Variants in TNKS observed in about 807,000 individuals in gnomAD.
TNKS encodes the protein poly [ADP-ribose] polymerase tankyrase-1.
In TNKS, 72 loss-of-function variants were observed where a neutral mutation model predicts 135.8. The ratio of observed to expected loss-of-function variants is 0.53; its 90% CI spans 0.44 to 0.64. The LOEUF (loss-of-function observed/expected upper bound fraction) is 0.64. TNKS is among the 30% of genes least tolerant of loss of function. TNKS has a pLI of 0.00. For synonymous variants in TNKS, 849 were observed against 649.3 expected, an observed-to-expected ratio of 1.31 and a Z score of -4.68; for missense variants, 1,769 against 1,674.0, an observed-to-expected ratio of 1.06 and a Z score of -0.99.
intron 12 of TNKS, among the ~76,000 whole-genome samples, chr8:9,720,749 T>C (rs1301310884): frequency 6.6e-6 from 1 of 152,176 alleles, no homozygotes; most frequent in Non-Finnish European, 1.5e-5. Flanking sequence ...CTTTTAGTTT[T>C]TTTAGGTTTA....
At chr8:9,660,297 T>G (rs906924296) in intron 3 of TNKS, among the ~76,000 whole-genome samples, 11 of 152,180 alleles carry the variant, frequency 7.2e-5, no homozygotes, top group Non-Finnish European at 1.5e-4. Flanking sequence ...AAGAGAATTT[T>G]AGACCAATAT....
intron 2 of TNKS, among the ~76,000 whole-genome samples, chr8:9,598,627 C>A (rs1425335258): frequency 6.7e-6 from 1 of 150,272 alleles, no homozygotes; most frequent in Non-Finnish European, 1.5e-5. Context: ...GCCAGTGATG[C>A]GGAGGTTGCA....
rs1281920963 is a variant in TNKS at position 9,640,498 on chromosome 8, T to G, written c.994+24821T>G. Among the ~76,000 whole-genome samples, 8 of 146,110 alleles carry G rather than the reference T, an allele frequency of 5.5e-5. 2 individuals are homozygous for G. The highest frequency in any genetic ancestry group is 2.0e-4 in the African/African-American group (8 of 39,370). On this transcript the variant is annotated intron_variant, in intron 3 of 26. Coordinates refer to ENST00000310430, the MANE Select transcript of TNKS (RefSeq NM_003747.3). Reference sequence around the variant, plus strand: ...AATTGTTTACCCAGAGCATTTTTAGTCAGACTATAATGTGTCTACTGAATA... The same window carrying G: ...AATTGTTTACCCAGAGCATTTTTAGGCAGACTATAATGTGTCTACTGAATA...
At position 9,559,594 on chromosome 8, in the gene TNKS, C is replaced by CT. The variant is rs1209355130; in HGVS notation, c.673+2982_673+2983insT. Among the ~76,000 whole-genome samples the CT allele has an allele frequency of 2.6e-5, 4 of 151,936 alleles. No individual in the cohort carries two copies. In the East Asian group the frequency reaches 5.8e-4, roughly 22 times the overall value. On this transcript the variant is annotated intron_variant, in intron 1 of 26. Coordinates refer to ENST00000310430, the MANE Select transcript of TNKS (RefSeq NM_003747.3). ...AGGTAGTTTTTTGATTTTCAGCCTCCCCCATCCCTACCCTCCACCCTTAAG... is the reference window on the plus strand; with the variant it reads ...AGGTAGTTTTTTGATTTTCAGCCTCCTCCCATCCCTACCCTCCACCCTTAAG...
chr8:9,746,532 C>T (rs559222781), intron 17 of TNKS, among the ~76,000 whole-genome samples: 1 of 152,276 alleles, frequency 6.6e-6, no homozygotes, highest in Non-Finnish European at 1.5e-5. Context: ...TTCTTCCACT[C>T]TCCTTTTCCA....
chr8:9,663,229 T>C (rs1801817007), intron 3 of TNKS, among the ~76,000 whole-genome samples: 1 of 152,206 alleles, frequency 6.6e-6, no homozygotes, highest in Non-Finnish European at 1.5e-5. Flanking sequence ...TAAATGTGTG[T>C]TTTAATTCAC....
Position 9,710,172 on chromosome 8 carries a change from A to G in TNKS, c.1701A>G (p.Glu567=), listed in dbSNP as rs1362312412. 6.2e-7 allele frequency: 1 copy of G among 1,614,230 alleles called. No individual in the cohort carries two copies. The highest frequency in any genetic ancestry group is 8.5e-7 in the Non-Finnish European group (1 of 1,180,038). ...TGACTCCCCTGCATGTTGCAGCCGA[A>G]AGAGCCCATAATGATGTCATGGAAG... is the stretch of plus-strand genomic sequence containing the variant. The part of the protein sequence containing the change: ...DFMTPLHVAA[E]RAHNDVMEVL... The change falls in exon 11 of 27, where the codon GAA becomes GAG. Residue 567 remains glutamate (E), a synonymous_variant. Coordinates refer to ENST00000310430, the MANE Select transcript of TNKS (RefSeq NM_003747.3).
At chr8:9,750,099 C>T (rs1196369847) in intron 18 of TNKS, among the ~76,000 whole-genome samples, 2 of 152,200 alleles carry the variant, frequency 1.3e-5, no homozygotes, top group African/African-American at 4.8e-5. Context: ...CCATAAGATC[C>T]TTTGAAGCTC....
intron 2 of TNKS, among the ~76,000 whole-genome samples, chr8:9,589,708 C>G (rs913382609): frequency 6.6e-6 from 1 of 152,200 alleles, no homozygotes; most frequent in African/African-American, 2.4e-5. Flanking sequence ...ATTGATATAG[C>G]GGGGCTGGGA....
intron 3 of TNKS, among the ~76,000 whole-genome samples, chr8:9,639,051 A>T (rs1800626971): frequency 6.6e-6 from 1 of 152,174 alleles, no homozygotes; most frequent in African/African-American, 2.4e-5. Context: ...TTATTAAATT[A>T]ACTTTCTTCC....
At chr8:9,709,437 G>A (rs911819844) in intron 9 of TNKS, among the ~76,000 whole-genome samples, 2 of 152,096 alleles carry the variant, frequency 1.3e-5, no homozygotes, top group Non-Finnish European at 2.9e-5. Context: ...TAAAAAAGTT[G>A]TATAAATATT....
chr8:9,751,925 T>C, intron 19 of TNKS, 79 bp downstream of exon 19: 2 of 1,274,676 alleles, frequency 1.6e-6, no homozygotes, highest in South Asian at 1.3e-5. Context: ...TTGATAACTA[T>C]TGAATGCCTC....
intron 5 of TNKS, among the ~76,000 whole-genome samples, chr8:9,703,245 A>T (rs562424708): frequency 6.6e-6 from 1 of 152,290 alleles, no homozygotes; most frequent in East Asian, 1.9e-4. Flanking sequence ...ATTCCCATCC[A>T]AGGTGGCACA....
At chr8:9,624,017 A>C (rs201717201) in intron 3 of TNKS, among the ~76,000 whole-genome samples, 1 of 139,236 alleles carries the variant, frequency 7.2e-6, no homozygotes, top group African/African-American at 2.7e-5. Flanking sequence ...AAAAAAGGAA[A>C]AACAACAACA....
Position 9,604,521 on chromosome 8 carries a change from C to G in TNKS, c.899-11061C>G, listed in dbSNP as rs528015476. On this transcript the variant is annotated intron_variant, in intron 2 of 26. Transcript: ENST00000310430. ...TATATAACGTATATTAAGCTAGGCT[C>G]ACTAAAATTTTCTTTCTTCAGTGTA... Among the ~76,000 whole-genome samples, 13 of 152,026 alleles carry G rather than the reference C, an allele frequency of 8.6e-5. No homozygotes were observed. The East Asian group carries it at 2.3e-3, about 27-fold the overall frequency.
rs557227507 is a variant in TNKS, at chr8:9,718,222, TGTCACTCTAGCTAA to T, written c.1750-2151_1750-2138del. ...TTGTGGTTTGAGAAAAAAAATGCAG[TGTCACTCTAGCTAA>T]AGAGTACAGACTGTTTTCAACTCTC... On this transcript the variant is annotated intron_variant, in intron 11 of 26. Transcript: ENST00000310430. 9.7e-3 allele frequency among the ~76,000 whole-genome samples: 1,481 copies of T among 152,314 alleles called. 11 individuals carry two copies. The highest frequency in any genetic ancestry group is 0.027 in the South Asian group (128 of 4,830).
chr8:9,757,038 G>A (rs376627023), intron 20 of TNKS, among the ~76,000 whole-genome samples: 2 of 152,024 alleles, frequency 1.3e-5, no homozygotes, highest in African/African-American at 4.8e-5. Flanking sequence ...GTGCAGTGGC[G>A]TGATCTCAGC....
intron 11 of TNKS, among the ~76,000 whole-genome samples, chr8:9,719,370 G>A (rs1023518683): frequency 2.0e-5 from 3 of 150,712 alleles, no homozygotes; most frequent in East Asian, 1.9e-4. Flanking sequence ...AATTTACTGT[G>A]TACCTTTAGC....
At chr8:9,765,331 A>G (rs1249286658) in intron 23 of TNKS, among the ~76,000 whole-genome samples, 1 of 152,202 alleles carries the variant, frequency 6.6e-6, no homozygotes, top group African/African-American at 2.4e-5. Context: ...GGTACACATC[A>G]GAATAACCCA....
Sources: gnomAD v4.1 joint callset for allele counts (sites outside exome capture counted in the v4.1 genomes callset) on GRCh38, gnomAD v4.1.1 for gene constraint, MANE v1.5 for transcripts, NCBI Gene and HGNC (gene_info 2026-07-23, HGNC 2026-07-21) for gene names.